Variants in ADGRD1 observed in about 807,000 individuals in gnomAD.
ADGRD1 encodes the protein adhesion G protein-coupled receptor D1.
In ADGRD1, 77 loss-of-function variants were observed where a neutral mutation model predicts 113.4. The observed-to-expected ratio is 0.68, with a 90% confidence interval of 0.57 to 0.82. The LOEUF is 0.82. Among genes scored for constraint, ADGRD1 ranks in the 40% least tolerant of loss-of-function variants. The probability of loss-of-function intolerance (pLI) is 0.00; values close to 1 mark genes in which losing one functional copy is unlikely to be tolerated. For synonymous variants in ADGRD1, 474 were observed against 475.0 expected (o/e 1.00, Z 0.03); for missense variants, 1,036 against 1,139.1 (o/e 0.91, Z 1.30).
intron 15 of ADGRD1, among the ~76,000 whole-genome samples, chr12:131,093,101 G>A (rs1030174326): frequency 1.3e-5 from 2 of 152,050 alleles, no homozygotes; most frequent in Admixed American, 6.5e-5. Flanking sequence ...ACAGTGAAAT[G>A]CTTCCTGCTC....
At chr12:131,118,139 C>T (rs772126607) in intron 18 of ADGRD1, among the ~76,000 whole-genome samples, 11 of 152,242 alleles carry the variant, frequency 7.2e-5, no homozygotes, top group Non-Finnish European at 1.6e-4. Flanking sequence ...GACTCATACA[C>T]TTTGTTGTCT....
chr12:130,955,678 C>T (rs1267288831), intron 2 of ADGRD1, among the ~76,000 whole-genome samples: 1 of 152,254 alleles, frequency 6.6e-6, no homozygotes. Context: ...GTTGTGAGCA[C>T]AGCCTCTGCC....
chr12:131,105,659 G>A (rs2137329599), intron 16 of ADGRD1, 95 bp from the exon 17 acceptor site: 1 of 853,128 alleles, frequency 1.2e-6, no homozygotes, highest in South Asian at 1.5e-5. Context: ...TGCTCTTGGA[G>A]GAATGGATAT....
At chr12:131,008,700 T>C (rs528277472) in intron 12 of ADGRD1, among the ~76,000 whole-genome samples, 1 of 152,330 alleles carries the variant, frequency 6.6e-6, no homozygotes, top group East Asian at 1.9e-4. Context: ...TGATGGAGAC[T>C]GTTCAGCTTT....
rs541981354 is a variant in ADGRD1, at chr12:131,040,716, C to T, written c.1473+26376C>T. Among the ~76,000 whole-genome samples the T allele has an allele frequency of 3.7e-4, 57 of 152,334 alleles. No homozygotes were observed. In the South Asian group the frequency reaches 0.012, roughly 32 times the overall value. ...TATCTGTAAGACAGGGATAGAACAA[C>T]CTTGTGTGTGCCAGCCTCAGGGGCT... On this transcript the variant is annotated intron_variant, in intron 13 of 24. Transcript: ENST00000261654.
In ADGRD1 at chr12:131,109,024, T is replaced by A. The variant is rs1391152337; in HGVS notation, c.2041+147T>A. On this transcript the variant is annotated intron_variant, in intron 18 of 24. Transcript: ENST00000261654. The stretch of plus-strand genomic sequence containing the variant: ...GGGGGGAGGTGGGAATGGGGTTTGA[T>A]CGGATGGGACAGGGAAAGTCAGATG... 1.0e-5 allele frequency: 6 copies of A among 585,838 alleles called. No individual in the cohort carries two copies. In the East Asian group the frequency reaches 1.7e-4, roughly 17 times the overall value. 36.3% of individuals were successfully genotyped at this position (585,838 alleles called of 1,614,324 possible). A position where few individuals can be genotyped will look rare whatever the true frequency, so the allele number is the denominator to read the frequency against.
rs1451197955 is a variant in ADGRD1 at position 130,987,322 on chromosome 12, A to G, written c.718A>G (p.Ile240Val). Residue 240 changes from isoleucine to valine, a missense_variant, in exon 6 of 25, where the codon ATC becomes GTC. Ile to Val is a conservative substitution (Grantham distance 29, BLOSUM62 3). Coordinates refer to ENST00000261654, the MANE Select transcript of ADGRD1 (RefSeq NM_198827.5). Reference sequence around the variant, plus strand: ...GGAGCGGGCTCTGACTCCGGATGAGATCGCCATGTACTTCACTGCTGCCAT... The same window carrying G: ...GGAGCGGGCTCTGACTCCGGATGAGGTCGCCATGTACTTCACTGCTGCCAT... The part of the protein sequence containing the change: ...IWERALTPDE[I>V]AMYFTAAIGK... 6.2e-7 allele frequency: 1 copy of G among 1,614,188 alleles called. No individual in the cohort carries two copies. The highest frequency in any genetic ancestry group is 2.2e-5 in the East Asian group (1 of 44,880).
chr12:131,136,478 G>A (rs867028644), intron 22 of ADGRD1, among the ~76,000 whole-genome samples: 13 of 152,242 alleles, frequency 8.5e-5, no homozygotes, highest in Admixed American at 5.9e-4. Context: ...GGCCAGGGCG[G>A]TCCCCCAGGT....
chr12:130,972,493 G>C (rs1871793013), intron 4 of ADGRD1, among the ~76,000 whole-genome samples: 1 of 152,168 alleles, frequency 6.6e-6, no homozygotes, highest in Non-Finnish European at 1.5e-5. Flanking sequence ...CTTGGGCTTT[G>C]TGGAAACCAG....
chr12:131,009,857 A>T (rs757974341), intron 12 of ADGRD1, among the ~76,000 whole-genome samples: 1 of 152,212 alleles, frequency 6.6e-6, no homozygotes, highest in African/African-American at 2.4e-5. Context: ...CTGCCAGATA[A>T]AGTGAACATG....
At position 131,139,312 on chromosome 12, in the gene ADGRD1, C is replaced by T. The variant is rs750593059; in HGVS notation, c.*49C>T. On this transcript the variant is annotated 3_prime_UTR_variant, in exon 25 of 25. Transcript: ENST00000261654. ...AGGCTGCGCTCAGAACACACCCCCCCAAACAGAATGAAATGCCCCACCTTT... is the reference window on the plus strand; with the variant it reads ...AGGCTGCGCTCAGAACACACCCCCCTAAACAGAATGAAATGCCCCACCTTT... The T allele has an allele frequency of 8.5e-6, 11 of 1,298,626 alleles. No homozygotes were observed. Among genetic ancestry groups the T allele is most frequent in the Non-Finnish European group, 5.5e-6 (5 of 912,088 alleles). 80.4% of individuals were successfully genotyped at this position (1,298,626 alleles called of 1,614,324 possible). A position where few individuals can be genotyped will look rare whatever the true frequency, so the allele number is the denominator to read the frequency against.
At chr12:131,043,277 C>T (rs1328681599) in intron 13 of ADGRD1, among the ~76,000 whole-genome samples, 1 of 152,202 alleles carries the variant, frequency 6.6e-6, no homozygotes, top group East Asian at 1.9e-4. Flanking sequence ...AGAGGCCTTA[C>T]TACCTTTCTG....
chr12:130,971,679 C>A lies in ADGRD1; in HGVS notation c.310+99C>A. On this transcript the variant is annotated intron_variant, in intron 4 of 24. Coordinates refer to ENST00000261654, the MANE Select transcript of ADGRD1 (RefSeq NM_198827.5). This position sits in a 1 kb window ranked among gnomAD's most constrained non-coding sequence, Gnocchi z 4.2. ...GAAGATGTGAACCTGAGGTTCTCAT[C>A]AATTGCAGAATGCGTGAGAATGTCA... 2 of 1,309,210 alleles carry A rather than the reference C, an allele frequency of 1.5e-6. No homozygotes were observed. The highest frequency in any genetic ancestry group is 2.1e-6 in the Non-Finnish European group (2 of 954,496). The allele number at this position is 1,309,210 out of a possible 1,614,324, so 81.1% of individuals were successfully genotyped here. A position where few individuals can be genotyped will look rare whatever the true frequency, so the allele number is the denominator to read the frequency against.
chr12:131,104,581 T>C (rs1016974355), intron 15 of ADGRD1, among the ~76,000 whole-genome samples: 4 of 151,954 alleles, frequency 2.6e-5, no homozygotes, highest in African/African-American at 9.7e-5. Flanking sequence ...CTGGAGACTG[T>C]GGCTGAGGGA....
In ADGRD1 at chr12:130,960,540, T is replaced by C. The variant is rs1195759; in HGVS notation, c.103+5880T>C. ...TACTAGAATTATACAGATAATTATA[T>C]TCTATGTTTATTGATTTATTTATTT... On this transcript the variant is annotated intron_variant, in intron 2 of 24. Coordinates refer to ENST00000261654, the MANE Select transcript of ADGRD1 (RefSeq NM_198827.5). Among the ~76,000 whole-genome samples, 1,114 of 149,736 alleles carry C rather than the reference T, an allele frequency of 7.4e-3. 11 individuals are homozygous for C. The highest frequency in any genetic ancestry group is 0.026 in the African/African-American group (1,056 of 40,628).
At chr12:130,975,921 A>T (rs1381600807) in intron 4 of ADGRD1, among the ~76,000 whole-genome samples, 1 of 152,062 alleles carries the variant, frequency 6.6e-6, no homozygotes, top group African/African-American at 2.4e-5. Context: ...AGCCTCCCCG[A>T]TTAGCCCCTC....
chr12:131,004,419 G>A lies in ADGRD1; in HGVS notation c.1255+123G>A, dbSNP rs926870008. The A allele has an allele frequency of 2.3e-4, 178 of 768,044 alleles. No individual in the cohort carries two copies. In the East Asian group the frequency reaches 3.9e-3, roughly 17 times the overall value. 47.6% of individuals were successfully genotyped at this position (768,044 alleles called of 1,614,324 possible). The stretch of plus-strand genomic sequence containing the variant: ...TGCGGTGCTCCCCCGGGCCGCCTGC[G>A]GTGCTCCCCCGGACTGCCTGTCCTG... On this transcript the variant is annotated intron_variant, in intron 11 of 24. Transcript: ENST00000261654.
chr12:131,047,817 C>G (rs1882994162), intron 13 of ADGRD1, among the ~76,000 whole-genome samples: 1 of 152,168 alleles, frequency 6.6e-6, no homozygotes, highest in Non-Finnish European at 1.5e-5. Context: ...ACAGCCACCC[C>G]CAAAGAATGA....
At chr12:131,045,803 G>A (rs974509251) in intron 13 of ADGRD1, among the ~76,000 whole-genome samples, 5 of 152,124 alleles carry the variant, frequency 3.3e-5, no homozygotes, top group Non-Finnish European at 5.9e-5. Context: ...GCTGCCCTGC[G>A]GTCCTCAGGG....
Sources: gnomAD v4.1 joint callset for allele counts (sites outside exome capture counted in the v4.1 genomes callset) on GRCh38, gnomAD v4.1.1 for gene constraint, Gnocchi (gnomAD v3.1) non-coding constraint, MANE v1.5 for transcripts, NCBI Gene and HGNC (gene_info 2026-07-23, HGNC 2026-07-21) for gene names.